NOP9: variants seen among roughly 807,000 people sequenced by gnomAD.
NOP9 encodes the protein NOP9 nucleolar protein, also known as nucleolar protein 9.
A neutral mutation model predicts 63.0 loss-of-function variants in NOP9; 50 were observed. That is an observed-to-expected ratio of 0.79 (90% confidence interval 0.63 to 1.00). NOP9 has a LOEUF of 1.00. Among genes scored for constraint, NOP9 ranks in the 50% least tolerant of loss-of-function variants. NOP9 has a pLI of 0.00. For missense variants in NOP9, 758 were observed against 803.0 expected (o/e 0.94, Z 0.68); for synonymous variants, 343 against 332.8 (o/e 1.03, Z -0.33).
Position 24,300,513 on chromosome 14 carries a change from C to G in NOP9, c.353C>G (p.Pro118Arg). 1 of 1,614,208 alleles carries G rather than the reference C, an allele frequency of 6.2e-7. No homozygotes were observed. Among genetic ancestry groups the G allele is most frequent in the Non-Finnish European group, 8.5e-7 (1 of 1,180,032 alleles). ...EMLQELLGFS[P>R]LKPLCRVWAA... ...CTGCAGGAACTGTTGGGATTCAGTC[C>G]CTTGAAACCGCTTTGTCGCGTGTGG... The change falls in exon 2 of 10, where the codon CCC (proline) becomes CGC (arginine). Residue 118 changes from proline (P) to arginine (R), a missense_variant. Physicochemically the swap from Pro to Arg is moderately radical, Grantham distance 103. Transcript: ENST00000267425.
chr14:24,292,470 G>A, the NOP9 span: 1 of 1,468,736 alleles, frequency 6.8e-7, no homozygotes, highest in Non-Finnish European at 9.3e-7. Flanking sequence ...ACGCTCCCCA[G>A]TGTGATGCCT....
the NOP9 span, among the ~76,000 whole-genome samples, chr14:24,275,730 G>A: frequency 5.3e-5 from 8 of 152,248 alleles, no homozygotes; most frequent in African/African-American, 1.9e-4. Context: ...TGACGGCAGG[G>A]GGAGCAAGTG....
Position 24,303,794 on chromosome 14 carries a change from G to A in NOP9, c.1347G>A (p.Leu449=). Reference sequence around the variant, plus strand: ...CCTGTGTGCCTCTCTTTGCCACTTTGATGGCTTATGAGGTGTACTATGGAC... The same window carrying A: ...CCTGTGTGCCTCTCTTTGCCACTTTAATGGCTTATGAGGTGTACTATGGAC... The part of the protein sequence containing the change: ...QVACVPLFAT[L]MAYEVYYGLT... The change falls in exon 7 of 10, where the codon TTG becomes TTA. Residue 449 remains leucine (L), a synonymous_variant. Transcript: ENST00000267425. 1 of 1,614,156 alleles carries A rather than the reference G, an allele frequency of 6.2e-7. No homozygotes were observed. Among genetic ancestry groups the A allele is most frequent in the South Asian group, 1.1e-5 (1 of 91,074 alleles).
chr14:24,298,896 G>A (rs558748230), upstream of NOP9: 20 of 1,533,372 alleles, frequency 1.3e-5, no homozygotes, highest in South Asian at 2.4e-4. Flanking sequence ...GAAAGGAGCT[G>A]TTAAGTGGAA....
At chr14:24,292,290 C>T in the NOP9 span, 97 of 1,614,012 alleles carry the variant, frequency 6.0e-5, no homozygotes, top group Non-Finnish European at 7.8e-5. Context: ...GACCCCATGG[C>T]GCCGCAGCTC....
In NOP9 at chr14:24,305,098, C is replaced by A; in HGVS notation, c.*3C>A. 1 of 1,493,762 alleles carries A rather than the reference C, an allele frequency of 6.7e-7. No homozygotes were observed. 92.5% of individuals were successfully genotyped at this position (1,493,762 alleles called of 1,614,324 possible). A position where few individuals can be genotyped will look rare whatever the true frequency, so the allele number is the denominator to read the frequency against. ...TGAACTCCATACTTGAAGACTGAGG[C>A]TTTGGATCTGGGACTGGGTGTTGAT... On this transcript the variant is annotated 3_prime_UTR_variant, in exon 10 of 10. Coordinates refer to ENST00000267425, the MANE Select transcript of NOP9 (RefSeq NM_174913.3).
chr14:24,273,008 T>G, the NOP9 span, among the ~76,000 whole-genome samples: 1 of 152,232 alleles, frequency 6.6e-6, no homozygotes, highest in Non-Finnish European at 1.5e-5. Context: ...TTTTTTTCCC[T>G]GTGCCTACTG....
At chr14:24,273,614 T>C in the NOP9 span, among the ~76,000 whole-genome samples, 1 of 152,250 alleles carries the variant, frequency 6.6e-6, no homozygotes, top group African/African-American at 2.4e-5. Context: ...TATCCCTGTG[T>C]ATTTGTAGTC....
At chr14:24,293,081 G>A in the NOP9 span, 5 of 370,374 alleles carry the variant, frequency 1.3e-5, no homozygotes, top group Admixed American at 9.2e-5. Flanking sequence ...CTTAAGAAAT[G>A]TATAGTGTCT....
chr14:24,277,828 G>C, the NOP9 span, among the ~76,000 whole-genome samples: 2 of 152,082 alleles, frequency 1.3e-5, no homozygotes, highest in African/African-American at 4.8e-5. Context: ...TGCTGGCCTT[G>C]TGGGGAAGCG....
Position 24,303,061 on chromosome 14 carries a change from T to C in NOP9, c.1144-13T>C. ...ACCAGAATGCCAGAGTTACATTCCATGTTTCCCATCAGCTGTCCCCTGTGT... is the reference window on the plus strand; with the variant it reads ...ACCAGAATGCCAGAGTTACATTCCACGTTTCCCATCAGCTGTCCCCTGTGT... On this transcript the variant is annotated splice_polypyrimidine_tract_variant and intron_variant, in intron 5 of 9. Transcript: ENST00000267425. The C allele has an allele frequency of 1.3e-6, 2 of 1,508,058 alleles. No homozygotes were observed. Among genetic ancestry groups the C allele is most frequent in the Non-Finnish European group, 1.8e-6 (2 of 1,131,198 alleles). The allele number at this position is 1,508,058 out of a possible 1,614,324, so 93.4% of individuals were successfully genotyped here.
the NOP9 span, among the ~76,000 whole-genome samples, chr14:24,274,231 C>T: frequency 1.4e-4 from 22 of 152,230 alleles, no homozygotes; most frequent in African/African-American, 5.1e-4. Flanking sequence ...TGCAGATTTG[C>T]CAGGTACAGC....
chr14:24,285,019 C>A, the NOP9 span, among the ~76,000 whole-genome samples: 1 of 152,214 alleles, frequency 6.6e-6, no homozygotes, highest in African/African-American at 2.4e-5. Flanking sequence ...CCTGGAGTCA[C>A]TGATACCTCG....
chr14:24,304,428 C>A, intron 8 of NOP9, 65 bp from the exon 9 acceptor site: 1 of 1,451,866 alleles, frequency 6.9e-7, no homozygotes, highest in Non-Finnish European at 9.4e-7. Context: ...ATTCACTCTC[C>A]ACAAGCCTCC....
chr14:24,289,316 G>A, the NOP9 span, among the ~76,000 whole-genome samples: 1 of 152,082 alleles, frequency 6.6e-6, no homozygotes. Flanking sequence ...TTGTAGAGAT[G>A]GGGTCTCCCT....
upstream of NOP9, chr14:24,299,563 C>G (rs1168278047): frequency 4.3e-6 from 1 of 232,992 alleles, no homozygotes; most frequent in Admixed American, 5.1e-5. Flanking sequence ...CTAAGTGGGA[C>G]GAGCGTGCGC....
chr14:24,274,095 G>C, the NOP9 span, among the ~76,000 whole-genome samples: 1 of 152,154 alleles, frequency 6.6e-6, no homozygotes, highest in Non-Finnish European at 1.5e-5. Flanking sequence ...CCTGTGTCTA[G>C]TCTGGTCCAG....
At position 24,307,663 on chromosome 14, in the gene NOP9, T is replaced by TG. The variant is rs2041561140; in HGVS notation, c.*2573dup. The TG allele has an allele frequency of 3.4e-6, 3 of 892,526 alleles. No homozygotes were observed. Among genetic ancestry groups the TG allele is most frequent in the African/African-American group, 2.0e-5 (1 of 51,010 alleles). The allele number at this position is 892,526 out of a possible 1,614,324, so 55.3% of individuals were successfully genotyped here. On this transcript the variant is annotated 3_prime_UTR_variant, in exon 10 of 10. Coordinates refer to ENST00000267425, the MANE Select transcript of NOP9 (RefSeq NM_174913.3). The stretch of plus-strand genomic sequence containing the variant: ...TGAGGGAGAGACCATGGAGTGCAGG[T>TG]GGGGGCGGGTGGCTCAGGAGCTTGA...
upstream of NOP9, chr14:24,299,692 G>C (rs1275760338): frequency 1.8e-5 from 8 of 450,146 alleles, no homozygotes; most frequent in Non-Finnish European, 3.2e-5. Context: ...GATTGATTCT[G>C]TAGTAGGACC....
Sources: gnomAD v4.1 joint callset for allele counts (sites outside exome capture counted in the v4.1 genomes callset) on GRCh38, gnomAD v4.1.1 for gene constraint, MANE v1.5 for transcripts, NCBI Gene and HGNC (gene_info 2026-07-23, HGNC 2026-07-21) for gene names.